The following ITGAL variants were observed in gnomAD, a reference collection of about 807,000 sequenced individuals.
The protein encoded by ITGAL is integrin subunit alpha L, also known as integrin alpha-L.
In ITGAL, 68 loss-of-function variants were observed where a neutral mutation model predicts 138.4. The ratio of observed to expected loss-of-function variants is 0.49; its 90% CI spans 0.40 to 0.60. ITGAL has a LOEUF of 0.60. ITGAL is among the 20% of genes least tolerant of loss of function. The probability of loss-of-function intolerance (pLI) is 0.00; values close to 1 mark genes in which losing one functional copy is unlikely to be tolerated. For missense variants in ITGAL, 1,256 were observed against 1,478.6 expected (o/e 0.85, Z 2.47); for synonymous variants, 561 against 584.3 (o/e 0.96, Z 0.57).
In ITGAL at chr16:30,494,516, C is replaced by T. The variant is rs1266523398; in HGVS notation, c.1365+153C>T. On this transcript the variant is annotated intron_variant, in intron 12 of 30. Coordinates refer to ENST00000356798, the MANE Select transcript of ITGAL (RefSeq NM_002209.3). The surrounding 1 kb of genome is among the most constrained non-coding windows in gnomAD (Gnocchi z 4.2). The stretch of plus-strand genomic sequence containing the variant: ...CCCTCATAACACACAGAGGTAAGCC[C>T]TGTCATCTCCCTCTCTAGTTTAAGA... Among the ~76,000 whole-genome samples the T allele has an allele frequency of 1.3e-5, 2 of 152,198 alleles. No homozygotes were observed. Among genetic ancestry groups the T allele is most frequent in the Non-Finnish European group, 2.9e-5 (2 of 68,036 alleles).
rs758416754 is a variant in ITGAL, at chr16:30,496,172, G to T, written c.1579G>T (p.Ala527Ser). The T allele has an allele frequency of 7.4e-6, 12 of 1,614,016 alleles. No homozygotes were observed. In the African/African-American group the frequency reaches 9.3e-5, roughly 13 times the overall value. The change falls in exon 14 of 31, where the codon GCT becomes TCT. Residue 527 changes from alanine (A) to serine (S), a missense_variant. By Grantham distance (99) the Ala-to-Ser change is moderately conservative. Coordinates refer to ENST00000356798, the MANE Select transcript of ITGAL (RefSeq NM_002209.3). ...PLGRFGEAIT[A>S]LTDINGDGLV... Reference sequence around the variant, plus strand: ...CGGGCGGTTTGGAGAAGCCATCACTGCTCTGACAGACATCAACGGCGATGG... The same window carrying T: ...CGGGCGGTTTGGAGAAGCCATCACTTCTCTGACAGACATCAACGGCGATGG...
At chr16:30,483,151 A>G (rs916087240) in intron 7 of ITGAL, 5 of 152,074 alleles carry the variant, frequency 3.3e-5, no homozygotes, top group African/African-American at 1.2e-4. Context: ...TTTTAGCAAA[A>G]AACAGAAAGC....
At chr16:30,478,515 G>A (rs2050505103) in intron 4 of ITGAL, among the ~76,000 whole-genome samples, 1 of 151,692 alleles carries the variant, frequency 6.6e-6, no homozygotes, top group Admixed American at 6.6e-5. Flanking sequence ...TGGCTAACAC[G>A]GTGAAACCCC....
intron 1 of ITGAL, 70 bp from the exon 2 acceptor site, chr16:30,474,126 C>T: frequency 8.5e-7 from 1 of 1,180,682 alleles, no homozygotes; most frequent in Non-Finnish European, 1.2e-6. Flanking sequence ...GGCCTGGGAT[C>T]GGCCACCTGC....
chr16:30,481,143 AACAC>A (rs60456127), intron 6 of ITGAL: 20,900 of 214,876 alleles, frequency 0.097, 588 homozygotes, highest in Middle Eastern at 0.17. Flanking sequence ...CTCTACTAAA[AACAC>A]ACACACACAC....
In ITGAL at chr16:30,521,515, G is replaced by A; in HGVS notation, c.3363G>A (p.Leu1121=). ...LYKVGFFKRN[L]KEKMEAGRGV... The stretch of plus-strand genomic sequence containing the variant: ...AGGTTGGTTTCTTCAAACGGAACCT[G>A]AAGGAGAAGATGGAGGCTGGCAGAG... Residue 1121 remains leucine, a synonymous_variant, in exon 31 of 31, where the codon CTG becomes CTA. Transcript: ENST00000356798. The A allele has an allele frequency of 2.5e-6, 4 of 1,614,156 alleles. No individual in the cohort carries two copies. Among genetic ancestry groups the A allele is most frequent in the Non-Finnish European group, 3.4e-6 (4 of 1,180,028 alleles).
chr16:30,511,352 T>C (rs1221451435), intron 24 of ITGAL, among the ~76,000 whole-genome samples: 1 of 152,194 alleles, frequency 6.6e-6, no homozygotes, highest in Non-Finnish European at 1.5e-5. Flanking sequence ...TAGCATTTAC[T>C]GATGGAAGAA....
chr16:30,498,947 A>G (rs1403698006), intron 15 of ITGAL, 127 bp from the exon 16 acceptor site: 2 of 704,966 alleles, frequency 2.8e-6, no homozygotes, highest in Non-Finnish European at 4.8e-6. Context: ...TTAAGAGGAG[A>G]CAGTGACATG....
At chr16:30,518,855 G>GAGA in intron 29 of ITGAL, 136 bp downstream of exon 29, 1 of 680,932 alleles carries the variant, frequency 1.5e-6, no homozygotes, top group Non-Finnish European at 2.6e-6. Context: ...ATCAGCCTGG[G>GAGA]AGAAGCTTCT....
In ITGAL at chr16:30,481,271, G is replaced by A. The variant is rs528034393; in HGVS notation, c.577-168G>A. The A allele has an allele frequency of 1.3e-3, 736 of 567,778 alleles. 3 individuals are homozygous for A. The highest frequency in any genetic ancestry group is 0.012 in the African/African-American group (599 of 51,944). The allele number at this position is 567,778 out of a possible 1,614,324, so 35.2% of individuals were successfully genotyped here. ...TGAGGCATGAAAATCGCTGGAACCCGGGAGGCAGAGGTTGCAGTGAGCCAA... is the reference window on the plus strand; with the variant it reads ...TGAGGCATGAAAATCGCTGGAACCCAGGAGGCAGAGGTTGCAGTGAGCCAA... On this transcript the variant is annotated intron_variant, in intron 6 of 30. Coordinates refer to ENST00000356798, the MANE Select transcript of ITGAL (RefSeq NM_002209.3).
chr16:30,512,586 G>GAA (rs771972585), intron 24 of ITGAL, among the ~76,000 whole-genome samples: 1 of 135,394 alleles, frequency 7.4e-6, no homozygotes. Context: ...GACCCTGTGT[G>GAA]AAAAAAAAAA....
chr16:30,474,072 G>C (rs11574938), intron 1 of ITGAL, 124 bp from the exon 2 acceptor site: 404,350 of 726,170 alleles, frequency 0.56, 122,001 homozygotes, highest in East Asian at 0.97. Context: ...CGCCCTGGAG[G>C]GGAAGCGCAG....
At chr16:30,482,010 G>A (rs896266540) in intron 7 of ITGAL, among the ~76,000 whole-genome samples, 1 of 151,842 alleles carries the variant, frequency 6.6e-6, no homozygotes, top group Non-Finnish European at 1.5e-5. Context: ...TCCTGCCTCC[G>A]CCTTTCAAGT....
chr16:30,511,997 C>T (rs994364146), intron 24 of ITGAL, among the ~76,000 whole-genome samples: 1 of 152,192 alleles, frequency 6.6e-6, no homozygotes, highest in Non-Finnish European at 1.5e-5. Context: ...TTAGCACAGA[C>T]ATCTGGGCAC....
chr16:30,510,341 T>C lies in ITGAL; in HGVS notation c.2509-20T>C. 6.7e-7 allele frequency: 1 copy of C among 1,489,686 alleles called. No homozygotes were observed. Among genetic ancestry groups the C allele is most frequent in the South Asian group, 1.1e-5 (1 of 88,554 alleles). 92.3% of individuals were successfully genotyped at this position (1,489,686 alleles called of 1,614,324 possible). A position where few individuals can be genotyped will look rare whatever the true frequency, so the allele number is the denominator to read the frequency against. ...TTGGCCTTGCTCATTAACAAACTTG[T>C]TTCCTCCTTTCACTCCCAGCCCCAT... is the stretch of plus-strand genomic sequence containing the variant. On this transcript the variant is annotated intron_variant, in intron 21 of 30. Transcript: ENST00000356798.
intron 18 of ITGAL, among the ~76,000 whole-genome samples, chr16:30,504,630 G>T (rs1026697469): frequency 1.3e-5 from 2 of 151,776 alleles, no homozygotes; most frequent in Admixed American, 1.3e-4. Flanking sequence ...GAGCCAGAGG[G>T]TTGAGGCTGC....
At chr16:30,472,944 G>C (rs942414234) in intron 1 of ITGAL, 46 bp downstream of exon 1, 1 of 1,569,082 alleles carries the variant, frequency 6.4e-7, no homozygotes, top group Non-Finnish European at 8.8e-7. Context: ...TCTGTGACCA[G>C]AGAAACTGCA....
At chr16:30,491,345 G>A (rs1274519513) in intron 11 of ITGAL, among the ~76,000 whole-genome samples, 2 of 151,896 alleles carry the variant, frequency 1.3e-5, no homozygotes, top group Non-Finnish European at 2.9e-5. Flanking sequence ...AGGTTGCAGT[G>A]AGCCGAGATC....
Position 30,479,198 on chromosome 16 carries a change from T to A in ITGAL, c.435T>A (p.Pro145=). Residue 145 remains proline, a synonymous_variant, in exon 5 of 31, where the codon CCT becomes CCA. Coordinates refer to ENST00000356798, the MANE Select transcript of ITGAL (RefSeq NM_002209.3). ...AGGGTCCCATGCTGCAGGGGCGCCC[T>A]GGTTTTCAGGGTAAGGAACTGGGGA... ...NLQGPMLQGR[P]GFQECIKGNV... is the part of the protein sequence containing the mutation. The A allele has an allele frequency of 6.2e-7, 1 of 1,614,032 alleles. No individual in the cohort carries two copies. Among genetic ancestry groups the A allele is most frequent in the Non-Finnish European group, 8.5e-7 (1 of 1,179,970 alleles).
Sources: allele counts gnomAD v4.1 joint callset (sites outside exome capture counted in the v4.1 genomes callset), GRCh38; gene constraint gnomAD v4.1.1; non-coding constraint Gnocchi (gnomAD v3.1); transcripts MANE v1.5; gene names NCBI Gene and HGNC (gene_info 2026-07-23, HGNC 2026-07-21).